Variants in TAFA1 observed in about 807,000 individuals in gnomAD.
TAFA1 encodes the protein chemokine-like protein TAFA-1.
In TAFA1, 4 loss-of-function variants were observed where a neutral mutation model predicts 18.5. That is an observed-to-expected ratio of 0.22 (90% confidence interval 0.11 to 0.49). TAFA1 has a LOEUF of 0.49. Among genes scored for constraint, TAFA1 ranks in the 20% least tolerant of loss-of-function variants. The probability of loss-of-function intolerance (pLI) is 0.98; values close to 1 mark genes in which losing one functional copy is unlikely to be tolerated. For missense variants in TAFA1, 147 were observed against 169.0 expected, an observed-to-expected ratio of 0.87 and a Z score of 0.72; for synonymous variants, 56 against 55.2, an observed-to-expected ratio of 1.01 and a Z score of -0.06.
chr3:68,010,300 AC>A (rs1267224401), intron 2 of TAFA1, among the ~76,000 whole-genome samples: 1 of 152,202 alleles, frequency 6.6e-6, no homozygotes, highest in Non-Finnish European at 1.5e-5. Context: ...CAGACAGCAA[AC>A]AGCCAATTTC....
chr3:68,187,826 G>A (rs910047213), intron 2 of TAFA1, among the ~76,000 whole-genome samples: 1 of 151,910 alleles, frequency 6.6e-6, no homozygotes, highest in African/African-American at 2.4e-5. Flanking sequence ...GCCAGTGCTT[G>A]GTTCTGTCAG....
chr3:68,337,509 G>T (rs532151638), intron 2 of TAFA1, among the ~76,000 whole-genome samples: 1 of 152,220 alleles, frequency 6.6e-6, no homozygotes, highest in African/African-American at 2.4e-5. Context: ...CAAAAAAGTT[G>T]CTTTGGTATA....
intron 2 of TAFA1, among the ~76,000 whole-genome samples, chr3:68,339,588 G>A (rs893400680): frequency 1.3e-5 from 2 of 152,158 alleles, no homozygotes; most frequent in African/African-American, 2.4e-5. Context: ...GTAGAGCTGT[G>A]ACTTACAATC....
chr3:68,168,213 G>C (rs1222876419), intron 2 of TAFA1, among the ~76,000 whole-genome samples: 10 of 150,396 alleles, frequency 6.6e-5, no homozygotes. Context: ...ACTATCTCTT[G>C]TGTTGGGTTC....
At chr3:68,536,480 C>T (rs369078237) in intron 3 of TAFA1, among the ~76,000 whole-genome samples, 2 of 152,080 alleles carry the variant, frequency 1.3e-5, no homozygotes, top group Non-Finnish European at 2.9e-5. Flanking sequence ...CGAGGGTTCT[C>T]GTCCCGTGTA....
At position 68,083,634 on chromosome 3, in the gene TAFA1, G is replaced by T. The variant is rs76265020; in HGVS notation, c.118+76890G>T. On this transcript the variant is annotated intron_variant, in intron 2 of 4. Transcript: ENST00000478136. ...ATTCTGACACTATTGTGGCTCATGG[G>T]AAATGGAGTTAAATGGGAAGCATCA... 1.6e-3 allele frequency among the ~76,000 whole-genome samples: 244 copies of T among 152,278 alleles called. 2 individuals are homozygous for T. Among genetic ancestry groups the T allele is most frequent in the African/African-American group, 5.0e-3 (208 of 41,570 alleles).
chr3:68,307,933 T>C (rs921512126), intron 2 of TAFA1, among the ~76,000 whole-genome samples: 5 of 152,184 alleles, frequency 3.3e-5, no homozygotes, highest in African/African-American at 1.2e-4. Flanking sequence ...TATGACTGTT[T>C]AAGCCTTCTT....
intron 2 of TAFA1, among the ~76,000 whole-genome samples, chr3:68,415,633 T>C (rs996763605): frequency 1.3e-5 from 2 of 152,132 alleles, no homozygotes; most frequent in African/African-American, 2.4e-5. Flanking sequence ...CCTACAAAGA[T>C]ATAAATAATA....
intron 2 of TAFA1, among the ~76,000 whole-genome samples, chr3:68,066,388 G>T (rs1203289336): frequency 6.6e-6 from 1 of 152,062 alleles, no homozygotes; most frequent in African/African-American, 2.4e-5. Flanking sequence ...AAATATTTGG[G>T]AAATAAATAA....
chr3:68,244,959 C>T (rs1401863499), intron 2 of TAFA1, among the ~76,000 whole-genome samples: 3 of 152,144 alleles, frequency 2.0e-5, no homozygotes, highest in African/African-American at 7.2e-5. Context: ...ACTTGAAAGC[C>T]TATAATATGC....
intron 3 of TAFA1, among the ~76,000 whole-genome samples, chr3:68,473,589 T>A (rs1004057327): frequency 6.6e-6 from 1 of 152,142 alleles, no homozygotes; most frequent in Non-Finnish European, 1.5e-5. Context: ...GTTGTTTGGT[T>A]TGCATCCTTC....
chr3:68,110,973 A>G (rs2065255568), intron 2 of TAFA1, among the ~76,000 whole-genome samples: 1 of 152,156 alleles, frequency 6.6e-6, no homozygotes, highest in Admixed American at 6.5e-5. Context: ...ACTTCATCAC[A>G]GTAAGAGTTG....
At chr3:68,251,888 A>C (rs1313252072) in intron 2 of TAFA1, among the ~76,000 whole-genome samples, 1 of 152,172 alleles carries the variant, frequency 6.6e-6, no homozygotes, top group Non-Finnish European at 1.5e-5. Flanking sequence ...GAGGAAACTG[A>C]ATCTAAAGGA....
At chr3:68,334,508 A>G (rs2068937418) in intron 2 of TAFA1, among the ~76,000 whole-genome samples, 1 of 152,172 alleles carries the variant, frequency 6.6e-6, no homozygotes, top group Admixed American at 6.5e-5. Flanking sequence ...AAGTCAGGAT[A>G]GACTCTCAGT....
intron 2 of TAFA1, among the ~76,000 whole-genome samples, chr3:68,186,480 C>T (rs984710376): frequency 6.6e-6 from 1 of 152,086 alleles, no homozygotes; most frequent in African/African-American, 2.4e-5. Flanking sequence ...CTATGTTTTA[C>T]TAAGACGTGA....
chr3:68,008,991 G>T (rs1170155547), intron 2 of TAFA1, among the ~76,000 whole-genome samples: 1 of 152,186 alleles, frequency 6.6e-6, no homozygotes, highest in Non-Finnish European at 1.5e-5. Flanking sequence ...AAGCTGTAAA[G>T]TTCTTCACAA....
chr3:68,207,194 A>G (rs1229488007), intron 2 of TAFA1, among the ~76,000 whole-genome samples: 1 of 151,912 alleles, frequency 6.6e-6, no homozygotes, highest in Admixed American at 6.6e-5. Context: ...TCTATTGACT[A>G]ATATGGAGTG....
At chr3:68,339,449 T>A (rs2069042550) in intron 2 of TAFA1, among the ~76,000 whole-genome samples, 1 of 152,192 alleles carries the variant, frequency 6.6e-6, no homozygotes, top group Non-Finnish European at 1.5e-5. Flanking sequence ...CAACCCAATT[T>A]GAGAGAGAAA....
At chr3:68,544,401 G>A (rs2073423499) in intron 4 of TAFA1, 85 bp from the exon 5 acceptor site, 2 of 1,356,928 alleles carry the variant, frequency 1.5e-6, no homozygotes, top group South Asian at 1.2e-5. Context: ...GATTCAAGGT[G>A]TCCTCCTTTT....
Sources: gnomAD v4.1 joint callset for allele counts (sites outside exome capture counted in the v4.1 genomes callset) on GRCh38, gnomAD v4.1.1 for gene constraint, MANE v1.5 for transcripts, NCBI Gene and HGNC (gene_info 2026-07-23, HGNC 2026-07-21) for gene names.